The following DESI1 variants were observed in gnomAD, a reference collection of about 807,000 sequenced individuals.
DESI1 encodes desumoylating isopeptidase 1, also known as PPPDE peptidase domain containing 2.
Under a neutral mutation model 22.4 loss-of-function variants are expected in DESI1, and 17 were observed. The observed-to-expected ratio is 0.76, with a 90% CI of 0.52 to 1.14. The LOEUF (loss-of-function observed/expected upper bound fraction) is 1.14, where lower values mean the gene tolerates loss of function less well. Among genes scored for constraint, DESI1 ranks in the 50% most tolerant of loss-of-function variants. The probability of loss-of-function intolerance (pLI) is 0.00; values close to 1 mark genes in which losing one functional copy is unlikely to be tolerated. For missense variants in DESI1, 177 were observed against 208.9 expected (o/e 0.85, Z 0.94); for synonymous variants, 92 against 84.2 (o/e 1.09, Z -0.51).
chr22:41,598,065 A>C lies in DESI1; in HGVS notation c.*3032T>G, dbSNP rs2067430736. On this transcript the variant is annotated 3_prime_UTR_variant, in exon 6 of 6. Transcript: ENST00000263256. ...AAATGAGTTTATTGCATTAGAAAAA[A>C]CACCGAAGAAAACCAGCAAACACCT... 1.3e-5 allele frequency: 2 copies of C among 152,182 alleles called. No homozygotes were observed. Among genetic ancestry groups the C allele is most frequent in the Admixed American group, 1.3e-4 (2 of 15,272 alleles). 9.4% of individuals were successfully genotyped at this position (152,182 alleles called of 1,614,324 possible).
chr22:41,617,046 C>T (rs754115176), intron 1 of DESI1, among the ~76,000 whole-genome samples: 5 of 152,196 alleles, frequency 3.3e-5, no homozygotes, highest in Admixed American at 1.3e-4. Context: ...GGCACATACA[C>T]ATTGAACCCA....
In DESI1 at chr22:41,600,930, G is replaced by A. The variant is rs1337972447; in HGVS notation, c.*167C>T. 1.6e-6 allele frequency: 1 copy of A among 631,500 alleles called. No individual in the cohort carries two copies. The highest frequency in any genetic ancestry group is 1.8e-5 in the African/African-American group (1 of 54,274). 39.1% of individuals were successfully genotyped at this position (631,500 alleles called of 1,614,324 possible). On this transcript the variant is annotated 3_prime_UTR_variant, in exon 6 of 6. Transcript: ENST00000263256. ...GGGTGGCATTTTGTTCTGTTTCTTA[G>A]CAGCATTGTCTACATGCGGCCTGAC...
chr22:41,603,318 G>A lies in DESI1; in HGVS notation c.354C>T (p.Phe118=). Residue 118 remains phenylalanine, a synonymous_variant, in exon 5 of 6, where the codon TTC becomes TTT. Transcript: ENST00000263256. ...AAGAAGGAATCTTCCGCCCAGTCAG[G>A]AACTGTGCCACTTCGTTGCTGAAGG... The part of the protein sequence containing the change: ...CNTFSNEVAQ[F]LTGRKIPSYI... The A allele has an allele frequency of 6.2e-7, 1 of 1,614,240 alleles. No individual in the cohort carries two copies.
At chr22:41,618,188 C>T (rs2067561487) in intron 1 of DESI1, among the ~76,000 whole-genome samples, 2 of 151,916 alleles carry the variant, frequency 1.3e-5, no homozygotes, top group Admixed American at 6.6e-5. Flanking sequence ...CATGGTGAAA[C>T]CCTGTCTCTA....
intron 1 of DESI1, among the ~76,000 whole-genome samples, chr22:41,619,092 C>G (rs898333076): frequency 7.9e-5 from 12 of 151,782 alleles, no homozygotes; most frequent in Non-Finnish European, 1.8e-4. Context: ...AAAAAAAACA[C>G]TTGACTGATG....
At chr22:41,612,109 C>A (rs1292066220) in intron 1 of DESI1, among the ~76,000 whole-genome samples, 3 of 152,036 alleles carry the variant, frequency 2.0e-5, no homozygotes, top group African/African-American at 7.2e-5. Context: ...ACAAAAACCT[C>A]CTTCATGACA....
chr22:41,607,137 G>A (rs1202402146), intron 3 of DESI1, 125 bp downstream of exon 3: 3 of 874,448 alleles, frequency 3.4e-6, no homozygotes, highest in East Asian at 3.0e-5. Flanking sequence ...AGGTTTTATT[G>A]AGCCAAGTCT....
chr22:41,611,563 G>A (rs1461750897), intron 1 of DESI1, among the ~76,000 whole-genome samples: 2 of 149,340 alleles, frequency 1.3e-5, no homozygotes, highest in Non-Finnish European at 3.0e-5. Flanking sequence ...AGAAATTAAG[G>A]ATACCTGCTT....
chr22:41,620,856 G>C lies in DESI1; in HGVS notation c.-17C>G. 6.9e-6 allele frequency: 11 copies of C among 1,598,284 alleles called. No individual in the cohort carries two copies. Among genetic ancestry groups the C allele is most frequent in the Non-Finnish European group, 9.4e-6 (11 of 1,173,156 alleles). On this transcript the variant is annotated 5_prime_UTR_variant, in exon 1 of 6. Coordinates refer to ENST00000263256, the MANE Select transcript of DESI1 (RefSeq NM_015704.3). ...CGGCTCCATTGGGACCCGTGGCGAC[G>C]GCGGCCACGACGGCCCTCGGGCACC...
intron 5 of DESI1, chr22:41,602,975 C>G (rs951738190): frequency 3.1e-5 from 18 of 572,400 alleles, no homozygotes; most frequent in African/African-American, 3.0e-4. Context: ...ATGGGAAGGA[C>G]AGACGCCAGA....
intron 5 of DESI1, 101 bp downstream of exon 5, chr22:41,603,158 C>T: frequency 6.4e-7 from 1 of 1,574,208 alleles, no homozygotes; most frequent in Non-Finnish European, 8.7e-7. Flanking sequence ...GCAGGCCCAC[C>T]TGGTTGGGAG....
intron 5 of DESI1, 50 bp downstream of exon 5, chr22:41,603,209 G>T (rs1322394224): frequency 1.2e-6 from 2 of 1,612,888 alleles, no homozygotes; most frequent in Non-Finnish European, 1.7e-6. Context: ...CCGTGAATGG[G>T]GATTTTCAAG....
chr22:41,604,222 A>G lies in DESI1; in HGVS notation c.181-69T>C. The G allele has an allele frequency of 2.6e-6, 3 of 1,173,062 alleles. No individual in the cohort carries two copies. The Middle Eastern group carries it at 8.2e-4, about 321-fold the overall frequency. 72.7% of individuals were successfully genotyped at this position (1,173,062 alleles called of 1,614,324 possible). A position where few individuals can be genotyped will look rare whatever the true frequency, so the allele number is the denominator to read the frequency against. On this transcript the variant is annotated intron_variant, in intron 3 of 5. Transcript: ENST00000263256. ...ACTGAATGTTTTAATGTGGCTTCCC[A>G]CAGTAGACCACAAACACTCTGTTCT...
chr22:41,604,810 C>A (rs2067469814), intron 3 of DESI1, among the ~76,000 whole-genome samples: 1 of 152,052 alleles, frequency 6.6e-6, no homozygotes, highest in Non-Finnish European at 1.5e-5. Context: ...CAAAGCTGTC[C>A]TGGGCTGCGT....
At chr22:41,614,287 C>T (rs553175425) in intron 1 of DESI1, among the ~76,000 whole-genome samples, 38 of 152,190 alleles carry the variant, frequency 2.5e-4, no homozygotes, top group Non-Finnish European at 4.3e-4. Context: ...CTACCCGCCT[C>T]GGTCTCCCAA....
chr22:41,619,318 A>G (rs968058791), intron 1 of DESI1, among the ~76,000 whole-genome samples: 3 of 152,228 alleles, frequency 2.0e-5, no homozygotes, highest in Non-Finnish European at 4.4e-5. Flanking sequence ...CTTAGAATCC[A>G]TATAATTAAA....
chr22:41,606,873 T>C (rs866194696), intron 3 of DESI1, among the ~76,000 whole-genome samples: 1 of 151,180 alleles, frequency 6.6e-6, no homozygotes, highest in Non-Finnish European at 1.5e-5. Context: ...CCTTATTGGC[T>C]GTTTAAGTTT....
intron 1 of DESI1, among the ~76,000 whole-genome samples, chr22:41,613,479 A>G (rs1391845002): frequency 6.6e-6 from 1 of 152,224 alleles, no homozygotes; most frequent in Non-Finnish European, 1.5e-5. Flanking sequence ...CCCCAGTTAG[A>G]CTACAGTTGC....
intron 1 of DESI1, among the ~76,000 whole-genome samples, chr22:41,611,638 G>T (rs2067518134): frequency 6.7e-6 from 1 of 148,238 alleles, no homozygotes; most frequent in Non-Finnish European, 1.5e-5. Context: ...TGTTGCCCAG[G>T]CTGGAGTACG....
Sources: allele counts gnomAD v4.1 joint callset (sites outside exome capture counted in the v4.1 genomes callset), GRCh38; gene constraint gnomAD v4.1.1; transcripts MANE v1.5; gene names NCBI Gene and HGNC (gene_info 2026-07-23, HGNC 2026-07-21).